Variants in LRRC2 observed in about 807,000 individuals in gnomAD.
The protein encoded by LRRC2 is leucine rich repeat containing 2.
Under a neutral mutation model 40.2 loss-of-function variants are expected in LRRC2, and 27 were observed. That is an observed-to-expected ratio of 0.67 (90% confidence interval 0.49 to 0.93). The LOEUF (loss-of-function observed/expected upper bound fraction) is 0.93. Ranked by LOEUF, LRRC2 falls within the 40% of genes least tolerant of loss-of-function variation. The pLI is 0.00. For synonymous variants in LRRC2, 147 were observed against 158.9 expected, an observed-to-expected ratio of 0.92 and a Z score of 0.56; for missense variants, 402 against 439.6, an observed-to-expected ratio of 0.91 and a Z score of 0.76.
At chr3:46,551,066 A>G (rs975958048) in intron 2 of LRRC2, 6 of 156,180 alleles carry the variant, frequency 3.8e-5, no homozygotes, top group East Asian at 3.8e-4. Flanking sequence ...ATTCAGCTCA[A>G]TGGGGGAGGG....
At position 46,518,874 on chromosome 3, in the gene LRRC2, A is replaced by G; in HGVS notation, c.*140T>C. 1.5e-6 allele frequency: 1 copy of G among 666,198 alleles called. No homozygotes were observed. Among genetic ancestry groups the G allele is most frequent in the Non-Finnish European group, 2.6e-6 (1 of 377,454 alleles). The allele number at this position is 666,198 out of a possible 1,614,324, so 41.3% of individuals were successfully genotyped here. On this transcript the variant is annotated 3_prime_UTR_variant, in exon 9 of 9. Transcript: ENST00000395905. ...ATACTCATGTATTTGACATTTGAAA[A>G]CCATTTTTTTTAGCAACTATGATAG...
chr3:46,550,351 T>G (rs999897756), intron 2 of LRRC2, among the ~76,000 whole-genome samples: 3 of 151,296 alleles, frequency 2.0e-5, no homozygotes, highest in Admixed American at 6.6e-5. Flanking sequence ...GAACCAAGAA[T>G]GTAGACACAT....
chr3:46,532,754 A>T lies in LRRC2; in HGVS notation c.627+19T>A, dbSNP rs1420520662. On this transcript the variant is annotated intron_variant, in intron 5 of 8. Coordinates refer to ENST00000395905, the MANE Select transcript of LRRC2 (RefSeq NM_024512.5). Reference sequence around the variant, plus strand: ...ACCAAATAAAAGTGAATCGTAGTACAGAAATGTTTATCTCTTACTTCAAAG... The same window carrying T: ...ACCAAATAAAAGTGAATCGTAGTACTGAAATGTTTATCTCTTACTTCAAAG... 14 of 1,609,890 alleles carry T rather than the reference A, an allele frequency of 8.7e-6. No individual in the cohort carries two copies. The East Asian group carries it at 3.1e-4, about 36-fold the overall frequency.
Position 46,551,600 on chromosome 3 carries a change from C to T in LRRC2, c.-9G>A. On this transcript the variant is annotated 5_prime_UTR_variant, in exon 2 of 9. The change abolishes an upstream ATG in the 5' untranslated region. Transcript: ENST00000395905. ...ACCACTTTATGTCCCATTTTGGGAG[C>T]ATGAAATTACCTATTTAAAAAATAT... 6.2e-7 allele frequency: 1 copy of T among 1,605,044 alleles called. No individual in the cohort carries two copies.
chr3:46,564,945 C>G (rs972073434), intron 1 of LRRC2, among the ~76,000 whole-genome samples: 9 of 152,248 alleles, frequency 5.9e-5, no homozygotes, highest in Admixed American at 5.9e-4. Flanking sequence ...TGGTGACTCA[C>G]AAATTCCATT....
At chr3:46,529,179 C>A (rs1704114834) in intron 6 of LRRC2, among the ~76,000 whole-genome samples, 1 of 151,848 alleles carries the variant, frequency 6.6e-6, no homozygotes, top group Non-Finnish European at 1.5e-5. Context: ...CCACTTTAAA[C>A]CCATCCCGTT....
intron 2 of LRRC2, 69 bp from the exon 3 acceptor site, chr3:46,545,322 T>A: frequency 5.1e-6 from 7 of 1,385,278 alleles, no homozygotes; most frequent in Non-Finnish European, 6.0e-6. Context: ...GAGAAGTGAG[T>A]CAGCCACCTG....
intron 2 of LRRC2, among the ~76,000 whole-genome samples, chr3:46,549,024 G>A (rs974170129): frequency 2.0e-5 from 3 of 152,182 alleles, no homozygotes; most frequent in Admixed American, 2.0e-4. Flanking sequence ...CCAGCCCAGG[G>A]CTTGGGAACC....
At chr3:46,522,518 C>A (rs1703981711) in intron 7 of LRRC2, among the ~76,000 whole-genome samples, 1 of 151,808 alleles carries the variant, frequency 6.6e-6, no homozygotes, top group African/African-American at 2.4e-5. Flanking sequence ...TGGAGACCAG[C>A]CTGGGCAACA....
chr3:46,563,545 C>G (rs916382849), intron 1 of LRRC2, among the ~76,000 whole-genome samples: 3 of 152,196 alleles, frequency 2.0e-5, no homozygotes, highest in Admixed American at 6.5e-5. Flanking sequence ...CCCTGGAACC[C>G]ACCTTAAATG....
chr3:46,533,947 CAT>C (rs1340502231), intron 4 of LRRC2, among the ~76,000 whole-genome samples: 1 of 146,274 alleles, frequency 6.8e-6, no homozygotes, highest in Admixed American at 7.0e-5. Context: ...TTCTGGGATA[CAT>C]GTGCAGAACA....
At chr3:46,540,308 T>C (rs1311630122) in intron 3 of LRRC2, among the ~76,000 whole-genome samples, 2 of 152,124 alleles carry the variant, frequency 1.3e-5, no homozygotes, top group Non-Finnish European at 2.9e-5. Flanking sequence ...GTGAATCACC[T>C]GAGGTCAGGA....
intron 3 of LRRC2, among the ~76,000 whole-genome samples, chr3:46,543,618 TTAATAATAATAA>T (rs202012137): frequency 1.0e-4 from 11 of 105,124 alleles, no homozygotes; most frequent in Admixed American, 2.8e-4. Context: ...TCCATCTCAA[TTAATAATAATAA>T]TAATAATAAT....
At chr3:46,559,958 A>C (rs550991409) in intron 1 of LRRC2, among the ~76,000 whole-genome samples, 9 of 152,262 alleles carry the variant, frequency 5.9e-5, no homozygotes, top group Non-Finnish European at 1.2e-4. Context: ...CAACATGTAT[A>C]ATGAAAACTG....
At chr3:46,520,119 AAAT>A (rs993407044) in intron 8 of LRRC2, among the ~76,000 whole-genome samples, 7 of 149,230 alleles carry the variant, frequency 4.7e-5, no homozygotes, top group African/African-American at 9.8e-5. Flanking sequence ...TTATTTAAGT[AAAT>A]AATAACTAAT....
chr3:46,524,201 T>C (rs1254611227), intron 7 of LRRC2, among the ~76,000 whole-genome samples: 2 of 152,018 alleles, frequency 1.3e-5, no homozygotes, highest in African/African-American at 4.8e-5. Flanking sequence ...GTCCCCTGAG[T>C]ATGTAGGCAG....
chr3:46,565,646 GCCAGACAATTCCTCCTCCTCTGGGTCT>G (rs1197783489), intron 1 of LRRC2, among the ~76,000 whole-genome samples: 3 of 152,156 alleles, frequency 2.0e-5, no homozygotes, highest in Non-Finnish European at 4.4e-5. Flanking sequence ...CCGCTAACAA[GCCAGACAATTCCTCCTCCTCTGGGTCT>G]CCAGTCACTT....
intron 1 of LRRC2, among the ~76,000 whole-genome samples, chr3:46,561,762 A>C (rs1273640936): frequency 2.0e-5 from 3 of 152,150 alleles, no homozygotes; most frequent in Non-Finnish European, 4.4e-5. Context: ...TAGAGTCTCC[A>C]ATGTGTAGAT....
chr3:46,564,794 C>T (rs1401948370), intron 1 of LRRC2, among the ~76,000 whole-genome samples: 3 of 152,220 alleles, frequency 2.0e-5, no homozygotes, highest in Admixed American at 1.3e-4. Flanking sequence ...AAGCCCTCCA[C>T]AGCACCCTTC....
Sources: gnomAD v4.1 joint callset for allele counts (sites outside exome capture counted in the v4.1 genomes callset) on GRCh38, gnomAD v4.1.1 for gene constraint, MANE v1.5 for transcripts, NCBI Gene and HGNC (gene_info 2026-07-23, HGNC 2026-07-21) for gene names.